STXBP4: variants seen among roughly 807,000 people sequenced by gnomAD.
STXBP4 encodes syntaxin-binding protein 4.
In STXBP4, 55 loss-of-function variants were observed where a neutral mutation model predicts 76.1. That is an observed-to-expected ratio of 0.72 (90% confidence interval 0.58 to 0.91). The LOEUF is 0.91. Ranked by LOEUF, STXBP4 falls within the 40% of genes least tolerant of loss-of-function variation. STXBP4 has a pLI of 0.00. For synonymous variants in STXBP4, 201 were observed against 220.2 expected, an observed-to-expected ratio of 0.91 and a Z score of 0.77; for missense variants, 618 against 636.9, an observed-to-expected ratio of 0.97 and a Z score of 0.32.
intron 12 of STXBP4, among the ~76,000 whole-genome samples, chr17:55,069,834 T>A (rs948150556): frequency 6.6e-6 from 1 of 152,184 alleles, no homozygotes; most frequent in African/African-American, 2.4e-5. Context: ...AGTGCTGTTT[T>A]TATAGAGGAA....
chr17:55,102,782 G>A (rs1385979576), intron 16 of STXBP4, among the ~76,000 whole-genome samples: 1 of 152,144 alleles, frequency 6.6e-6, no homozygotes, highest in African/African-American at 2.4e-5. Context: ...ATCCTCTCCA[G>A]CATCTGTTGT....
intron 16 of STXBP4, among the ~76,000 whole-genome samples, chr17:55,139,766 A>T (rs998038782): frequency 2.1e-4 from 32 of 152,130 alleles, no homozygotes; most frequent in African/African-American, 7.7e-4. Flanking sequence ...TCTACTTATA[A>T]GAGGAACATT....
At chr17:55,085,673 T>G (rs1308426866) in intron 16 of STXBP4, among the ~76,000 whole-genome samples, 1 of 152,036 alleles carries the variant, frequency 6.6e-6, no homozygotes, top group East Asian at 1.9e-4. Flanking sequence ...AAATGATGTT[T>G]TCAGTACAGT....
chr17:55,047,276 A>G (rs956942589), intron 12 of STXBP4, 122 bp downstream of exon 12: 5 of 544,880 alleles, frequency 9.2e-6, no homozygotes, highest in Non-Finnish European at 1.6e-5. Flanking sequence ...GAGCTTCCTG[A>G]TACATATTAC....
chr17:55,007,107 G>T (rs1353488708), intron 7 of STXBP4, among the ~76,000 whole-genome samples: 1 of 152,070 alleles, frequency 6.6e-6, no homozygotes, highest in Non-Finnish European at 1.5e-5. Flanking sequence ...GGAGGCTGAG[G>T]CAGGCAGATC....
chr17:55,093,045 A>AG (rs1181799578), intron 16 of STXBP4, among the ~76,000 whole-genome samples: 2 of 151,806 alleles, frequency 1.3e-5, no homozygotes, highest in African/African-American at 4.8e-5. Context: ...CCCAAGCTGG[A>AG]GTGCAGTGGC....
intron 8 of STXBP4, chr17:55,030,956 T>C (rs1004628443): frequency 1.5e-5 from 7 of 452,058 alleles, no homozygotes; most frequent in African/African-American, 9.8e-5. Context: ...GCTAAAGTGC[T>C]AGTCTTGGGG....
intron 1 of STXBP4, among the ~76,000 whole-genome samples, chr17:54,979,387 T>C (rs2077516975): frequency 6.6e-6 from 1 of 152,212 alleles, no homozygotes; most frequent in African/African-American, 2.4e-5. Flanking sequence ...TCCTTATTGC[T>C]CTATCAGGAA....
chr17:55,058,322 CAT>C (rs1194348098), intron 12 of STXBP4, among the ~76,000 whole-genome samples: 1 of 152,214 alleles, frequency 6.6e-6, no homozygotes, highest in Admixed American at 6.5e-5. Context: ...GAGCTTTTTT[CAT>C]ATGTTTCTTG....
chr17:55,073,877 T>A (rs1419983949), intron 13 of STXBP4, among the ~76,000 whole-genome samples: 1 of 152,230 alleles, frequency 6.6e-6, no homozygotes, highest in South Asian at 2.1e-4. Context: ...GATCCACCAG[T>A]CTCGGCCTTC....
chr17:55,172,172 C>T lies in STXBP4; in HGVS notation c.*12261C>T, dbSNP rs984698552. ...GTAAGAACAAACTTCCAAGTGGCAC[C>T]ATCTTAAAGGTGCAAGCCCATGTGG... is the stretch of plus-strand genomic sequence containing the variant. On this transcript the variant is annotated 3_prime_UTR_variant, in exon 18 of 18. Coordinates refer to ENST00000376352, the MANE Select transcript of STXBP4 (RefSeq NM_178509.6). 2.6e-5 allele frequency: 4 copies of T among 152,170 alleles called. No individual in the cohort carries two copies. Among genetic ancestry groups the T allele is most frequent in the African/African-American group, 4.8e-5 (2 of 41,438 alleles). The allele number at this position is 152,170 out of a possible 1,614,324, so 9.4% of individuals were successfully genotyped here.
At position 55,041,638 on chromosome 17, in the gene STXBP4, A is replaced by G. The variant is rs1299516084; in HGVS notation, c.856-1598A>G. ...ATTGTGTTTTGTTTACTTTAGTTCC[A>G]TGAGCTAGTTCAAAAATCAATAAAT... On this transcript the variant is annotated intron_variant, in intron 10 of 17. Coordinates refer to ENST00000376352, the MANE Select transcript of STXBP4 (RefSeq NM_178509.6). 3.9e-5 allele frequency among the ~76,000 whole-genome samples: 6 copies of G among 152,172 alleles called. No homozygotes were observed. The South Asian group carries it at 6.2e-4, about 16-fold the overall frequency.
the STXBP4 span, among the ~76,000 whole-genome samples, chr17:55,184,591 A>G: frequency 6.6e-6 from 1 of 152,240 alleles, no homozygotes; most frequent in Non-Finnish European, 1.5e-5. Context: ...TAAAAAACTC[A>G]TTGCAACATC....
At chr17:55,126,351 T>A (rs2079912975) in intron 16 of STXBP4, among the ~76,000 whole-genome samples, 1 of 152,124 alleles carries the variant, frequency 6.6e-6, no homozygotes, top group South Asian at 2.1e-4. Flanking sequence ...ATGCTCATAA[T>A]GAATGGAAAG....
chr17:54,986,186 C>CA lies in STXBP4; in HGVS notation c.-33dup. 1 of 1,552,938 alleles carries CA rather than the reference C, an allele frequency of 6.4e-7. No homozygotes were observed. Among genetic ancestry groups the CA allele is most frequent in the South Asian group, 1.2e-5 (1 of 85,582 alleles). On this transcript the variant is annotated 5_prime_UTR_variant, in exon 3 of 18. Transcript: ENST00000376352. ...CTCTTCATCAAGATCTTCATTTATA[C>CA]AGCTGTTAAATCCAAGGCTACTTTG...
chr17:55,052,285 C>G (rs910273069), intron 12 of STXBP4, among the ~76,000 whole-genome samples: 1 of 152,114 alleles, frequency 6.6e-6, no homozygotes, highest in Non-Finnish European at 1.5e-5. Context: ...AGGGGCATAT[C>G]ACAGGAACTA....
chr17:54,999,694 A>G lies in STXBP4; in HGVS notation c.350A>G (p.Asn117Ser). The change falls in exon 6 of 18, where the codon AAT becomes AGT. Residue 117 changes from asparagine (N) to serine (S), a missense_variant. Physicochemically the swap from Asn to Ser is conservative, Grantham distance 46. Transcript: ENST00000376352. ...AAATCCGACAACATTCAGCCAGAAAATCTGTCATGTACATCACTTATAGAA... is the reference window on the plus strand; with the variant it reads ...AAATCCGACAACATTCAGCCAGAAAGTCTGTCATGTACATCACTTATAGAA... ...RQKSDNIQPE[N>S]LSCTSLIEAS... is the part of the protein sequence containing the mutation. The G allele has an allele frequency of 6.2e-7, 1 of 1,613,806 alleles. No individual in the cohort carries two copies. The highest frequency in any genetic ancestry group is 8.5e-7 in the Non-Finnish European group (1 of 1,179,840).
chr17:55,204,093 C>T, the STXBP4 span, among the ~76,000 whole-genome samples: 1 of 151,512 alleles, frequency 6.6e-6, no homozygotes, highest in Non-Finnish European at 1.5e-5. Flanking sequence ...TATATATGAC[C>T]TTTTCATCAT....
At chr17:55,009,071 A>G (rs1018895083) in intron 8 of STXBP4, among the ~76,000 whole-genome samples, 1 of 152,204 alleles carries the variant, frequency 6.6e-6, no homozygotes, top group African/African-American at 2.4e-5. Flanking sequence ...CAATGAAATT[A>G]TAAGTGTCTT....
Sources: gnomAD v4.1 joint callset for allele counts (sites outside exome capture counted in the v4.1 genomes callset) on GRCh38, gnomAD v4.1.1 for gene constraint, MANE v1.5 for transcripts, NCBI Gene and HGNC (gene_info 2026-07-23, HGNC 2026-07-21) for gene names.